UNC13B: variants seen among roughly 807,000 people sequenced by gnomAD.
The protein encoded by UNC13B is protein unc-13 homolog B.
In UNC13B, 144 loss-of-function variants were observed where a neutral mutation model predicts 211.0. That is an observed-to-expected ratio of 0.68 (90% CI 0.60 to 0.78). The LOEUF (loss-of-function observed/expected upper bound fraction) is 0.78. Ranked by LOEUF, UNC13B falls within the 30% of genes least tolerant of loss-of-function variation. UNC13B has a pLI of 0.00. For missense variants in UNC13B, 1,777 were observed against 2,002.0 expected (o/e 0.89, Z 2.14); for synonymous variants, 709 against 725.8 (o/e 0.98, Z 0.37).
At chr9:35,293,315 G>A (rs1336942095) in intron 7 of UNC13B, among the ~76,000 whole-genome samples, 1 of 152,200 alleles carries the variant, frequency 6.6e-6, no homozygotes, top group Non-Finnish European at 1.5e-5. Flanking sequence ...TTATTTAGGA[G>A]TAATAGGTCA....
intron 6 of UNC13B, among the ~76,000 whole-genome samples, chr9:35,250,375 T>C (rs1826390332): frequency 6.6e-6 from 1 of 152,166 alleles, no homozygotes; most frequent in Non-Finnish European, 1.5e-5. Context: ...CAACCTTCTG[T>C]CTCTATGGAC....
At chr9:35,256,820 A>G (rs964810696) in intron 6 of UNC13B, among the ~76,000 whole-genome samples, 8 of 152,158 alleles carry the variant, frequency 5.3e-5, no homozygotes, top group Admixed American at 1.3e-4. Context: ...TTTTGTCTCT[A>G]TATTCATAAA....
intron 11 of UNC13B, among the ~76,000 whole-genome samples, chr9:35,328,650 T>TCCTC (rs1831175033): frequency 4.3e-5 from 4 of 93,700 alleles, no homozygotes; most frequent in African/African-American, 1.4e-4. Flanking sequence ...CTTCCTTCCT[T>TCCTC]CCTTCCTTCC....
intron 1 of UNC13B, among the ~76,000 whole-genome samples, chr9:35,185,429 C>G (rs2131321801): frequency 6.6e-6 from 1 of 152,294 alleles, no homozygotes; most frequent in East Asian, 1.9e-4. Flanking sequence ...CTACTATGTC[C>G]TATGTCTTGC....
chr9:35,235,899 A>G (rs984326347), intron 3 of UNC13B, among the ~76,000 whole-genome samples: 1 of 152,092 alleles, frequency 6.6e-6, no homozygotes, highest in Non-Finnish European at 1.5e-5. Flanking sequence ...TTGGCCTCAT[A>G]TTGTGTGAAA....
chr9:35,170,102 A>G (rs894087046), intron 1 of UNC13B, among the ~76,000 whole-genome samples: 9 of 152,206 alleles, frequency 5.9e-5, no homozygotes, highest in Admixed American at 5.9e-4. Flanking sequence ...TTCTTCCTTG[A>G]GTAGGGAAAT....
At chr9:35,245,596 G>A (rs1400175024) in intron 6 of UNC13B, among the ~76,000 whole-genome samples, 3 of 148,276 alleles carry the variant, frequency 2.0e-5, no homozygotes, top group East Asian at 4.0e-4. Context: ...GAGAACATGC[G>A]ATGTTTGGTT....
At chr9:35,275,662 G>A (rs1164490836) in intron 7 of UNC13B, among the ~76,000 whole-genome samples, 2 of 151,402 alleles carry the variant, frequency 1.3e-5, no homozygotes, top group South Asian at 2.1e-4. Flanking sequence ...GTGTGATCTC[G>A]GCTCACTGTG....
At chr9:35,239,945 CA>C (rs1825716757) in intron 5 of UNC13B, among the ~76,000 whole-genome samples, 1 of 152,090 alleles carries the variant, frequency 6.6e-6, no homozygotes, top group Non-Finnish European at 1.5e-5. Flanking sequence ...ACAATTTGTG[CA>C]GTTAACACAA....
intron 1 of UNC13B, among the ~76,000 whole-genome samples, chr9:35,190,551 CCCCCCT>C (rs1365649846): frequency 6.6e-6 from 1 of 150,856 alleles, no homozygotes; most frequent in Non-Finnish European, 1.5e-5. Context: ...TTTTTTCTTC[CCCCCCT>C]CCCCCAAAAC....
chr9:35,353,079 C>T (rs568961029), intron 11 of UNC13B: 2 of 1,232,198 alleles, frequency 1.6e-6, no homozygotes, highest in South Asian at 4.1e-5. Context: ...AGAAGGCTTG[C>T]AGCTCTGAGC....
chr9:35,377,318 G>C, intron 15 of UNC13B, 150 bp from the exon 16 acceptor site: 3 of 734,270 alleles, frequency 4.1e-6, no homozygotes, highest in Non-Finnish European at 6.7e-6. Flanking sequence ...GGCAAGTGCA[G>C]GTGCCAGAGG....
chr9:35,241,140 CAT>C (rs1825785236), intron 5 of UNC13B, among the ~76,000 whole-genome samples: 1 of 151,564 alleles, frequency 6.6e-6, no homozygotes, highest in Admixed American at 6.6e-5. Flanking sequence ...TAAGTATTTA[CAT>C]ATGTTAGCTC....
At chr9:35,221,214 G>A (rs773124148) in intron 1 of UNC13B, among the ~76,000 whole-genome samples, 20 of 152,090 alleles carry the variant, frequency 1.3e-4, no homozygotes, top group Non-Finnish European at 2.6e-4. Context: ...GACCACAGGT[G>A]CATGCCACTA....
At chr9:35,363,118 G>C (rs1927961) in intron 11 of UNC13B, among the ~76,000 whole-genome samples, 12,505 of 152,222 alleles carry the variant, frequency 0.082, 1,713 homozygotes, top group African/African-American at 0.28. Context: ...CAATTAGATT[G>C]TAGGAATGTA....
chr9:35,264,376 A>G (rs1037352465), intron 7 of UNC13B, among the ~76,000 whole-genome samples: 2 of 152,322 alleles, frequency 1.3e-5, no homozygotes, highest in East Asian at 1.9e-4. Flanking sequence ...TAAGGTGGCA[A>G]AGAACTTGGC....
chr9:35,223,779 G>T (rs1824689692), intron 1 of UNC13B, among the ~76,000 whole-genome samples: 1 of 152,058 alleles, frequency 6.6e-6, no homozygotes, highest in African/African-American at 2.4e-5. Flanking sequence ...TCTTCTAGTA[G>T]TTTTAAAGTT....
chr9:35,386,618 A>G (rs1167893773), intron 24 of UNC13B, among the ~76,000 whole-genome samples: 2 of 152,026 alleles, frequency 1.3e-5, no homozygotes, highest in African/African-American at 2.4e-5. Context: ...CTCAAGTTTA[A>G]CTTTATTCTG....
intron 2 of UNC13B, among the ~76,000 whole-genome samples, chr9:35,229,263 AC>A (rs2131495593): frequency 6.6e-6 from 1 of 152,296 alleles, no homozygotes; most frequent in Admixed American, 6.5e-5. Context: ...ACGCTTGAGA[AC>A]CCAGGAAAAC....
Sources: allele counts gnomAD v4.1 joint callset (sites outside exome capture counted in the v4.1 genomes callset), GRCh38; gene constraint gnomAD v4.1.1; transcripts MANE v1.5; gene names NCBI Gene and HGNC (gene_info 2026-07-23, HGNC 2026-07-21).